Variants in MAGI1 observed in about 807,000 individuals in gnomAD.
MAGI1 encodes the protein membrane associated guanylate kinase, WW and PDZ domain containing 1.
A neutral mutation model predicts 139.9 loss-of-function variants in MAGI1; 58 were observed. That is an observed-to-expected ratio of 0.41 (90% CI 0.34 to 0.52). The LOEUF (loss-of-function observed/expected upper bound fraction) is 0.52, where lower values mean the gene tolerates loss of function less well. MAGI1 is among the 20% of genes least tolerant of loss of function. The pLI, the probability that MAGI1 is intolerant of heterozygous loss-of-function variation, is 0.12. For missense variants in MAGI1, 1,874 were observed against 1,901.6 expected (o/e 0.99, Z 0.27); for synonymous variants, 812 against 737.9 (o/e 1.10, Z -1.63).
intron 1 of MAGI1, among the ~76,000 whole-genome samples, chr3:65,878,506 A>G (rs1374654171): frequency 1.4e-5 from 2 of 140,496 alleles, no homozygotes; most frequent in African/African-American, 5.7e-5. Context: ...ACAGAGCGAG[A>G]CTCAGTCTCA....
intron 1 of MAGI1, among the ~76,000 whole-genome samples, chr3:65,840,197 A>G (rs1229360950): frequency 6.6e-6 from 1 of 151,362 alleles, no homozygotes; most frequent in African/African-American, 2.4e-5. Context: ...GTAGACAAAG[A>G]TATCACCTGC....
At chr3:65,920,524 A>G (rs1482250279) in intron 1 of MAGI1, among the ~76,000 whole-genome samples, 1 of 152,184 alleles carries the variant, frequency 6.6e-6, no homozygotes, top group Non-Finnish European at 1.5e-5. Flanking sequence ...ACCTCAAGGC[A>G]TTCCATATTT....
intron 1 of MAGI1, among the ~76,000 whole-genome samples, chr3:65,870,645 G>C (rs550196735): frequency 8.0e-5 from 12 of 149,334 alleles, no homozygotes; most frequent in Admixed American, 2.0e-4. Context: ...AGGCAGGGTG[G>C]GGGGGGTAGG....
intron 5 of MAGI1, among the ~76,000 whole-genome samples, chr3:65,459,642 G>A (rs778168247): frequency 6.6e-6 from 1 of 152,134 alleles, no homozygotes; most frequent in South Asian, 2.1e-4. Flanking sequence ...AGAAATTCCA[G>A]CATGATGTTG....
chr3:65,356,638 G>A lies in MAGI1; in HGVS notation c.4129C>T (p.Leu1377Phe), dbSNP rs753351918. 42 of 1,588,364 alleles carry A rather than the reference G, an allele frequency of 2.6e-5. No homozygotes were observed. The South Asian group carries it at 4.8e-4, about 18-fold the overall frequency. The change falls in exon 23 of 23, where the codon CTC becomes TTC. Residue 1377 changes from leucine to phenylalanine, a missense_variant. Transcript: ENST00000402939. ...PSRRRRSLERLLEQRRSPERR... is the reference protein window; with the variant it reads ...PSRRRRSLERFLEQRRSPERR... ...TCGGGGGACCTCCTCTGCTCCAGGAGTCTCTCCAGAGACCGTCTCCGCCGG... is the reference window on the plus strand; with the variant it reads ...TCGGGGGACCTCCTCTGCTCCAGGAATCTCTCCAGAGACCGTCTCCGCCGG...
chr3:65,428,835 A>C (rs1486820332), intron 12 of MAGI1, among the ~76,000 whole-genome samples: 2 of 152,176 alleles, frequency 1.3e-5, no homozygotes, highest in Non-Finnish European at 2.9e-5. Flanking sequence ...ACTTTAGATA[A>C]AGTGATGGGA....
intron 1 of MAGI1, among the ~76,000 whole-genome samples, chr3:65,746,999 C>T (rs4362751): frequency 0.12 from 18,976 of 152,154 alleles, 1,271 homozygotes; most frequent in South Asian, 0.2. Flanking sequence ...CTTGATGAGG[C>T]ACATTTAGAG....
At position 65,657,960 on chromosome 3, in the gene MAGI1, G is replaced by A. The variant is rs368868127; in HGVS notation, c.314-35872C>T. ...GAAGGTCACTGTTAATTGAAATAAT[G>A]TGTGTGAAATGGTTTGCACAATGTC... On this transcript the variant is annotated intron_variant, in intron 1 of 22. Coordinates refer to ENST00000402939, the MANE Select transcript of MAGI1 (RefSeq NM_001033057.2). Among the ~76,000 whole-genome samples the A allele has an allele frequency of 1.1e-3, 163 of 152,292 alleles. 6 individuals are homozygous for A. The South Asian group carries it at 0.033, about 30-fold the overall frequency.
chr3:65,753,649 A>G (rs1472117690), intron 1 of MAGI1, among the ~76,000 whole-genome samples: 1 of 149,640 alleles, frequency 6.7e-6, no homozygotes, highest in African/African-American at 2.5e-5. Flanking sequence ...TGAGCTCGGG[A>G]GGCAGAGGTT....
intron 4 of MAGI1, among the ~76,000 whole-genome samples, chr3:65,475,386 G>T (rs545769201): frequency 2.0e-5 from 3 of 152,086 alleles, no homozygotes; most frequent in African/African-American, 7.2e-5. Context: ...GCTAATTTTT[G>T]TATTTTTAGT....
At chr3:65,781,087 C>G (rs1228958506) in intron 1 of MAGI1, among the ~76,000 whole-genome samples, 3 of 151,966 alleles carry the variant, frequency 2.0e-5, no homozygotes, top group African/African-American at 7.3e-5. Flanking sequence ...TTCCAACTAC[C>G]CAGGAGGCTG....
chr3:65,602,851 A>T (rs756424661), intron 2 of MAGI1, among the ~76,000 whole-genome samples: 49 of 152,088 alleles, frequency 3.2e-4, no homozygotes, highest in Non-Finnish European at 4.6e-4. Flanking sequence ...GGCAAATAGG[A>T]CCATGAGTGG....
At chr3:65,826,271 T>A (rs2042224249) in intron 1 of MAGI1, among the ~76,000 whole-genome samples, 1 of 152,160 alleles carries the variant, frequency 6.6e-6, no homozygotes. Flanking sequence ...AGGTAGGAGA[T>A]CATACTAAAA....
At chr3:65,769,571 G>A (rs1203682497) in intron 1 of MAGI1, among the ~76,000 whole-genome samples, 1 of 152,080 alleles carries the variant, frequency 6.6e-6, no homozygotes, top group East Asian at 1.9e-4. Flanking sequence ...CCCCATCCAG[G>A]TACAAGCTGC....
chr3:65,901,778 C>T (rs2061243828), intron 1 of MAGI1, among the ~76,000 whole-genome samples: 1 of 152,112 alleles, frequency 6.6e-6, no homozygotes, highest in East Asian at 1.9e-4. Context: ...TCCTCAGCAC[C>T]CTCCACAATT....
At position 65,357,084 on chromosome 3, in the gene MAGI1, G is replaced by C; in HGVS notation, c.3683C>G (p.Pro1228Arg). 2 of 1,614,080 alleles carry C rather than the reference G, an allele frequency of 1.2e-6. No individual in the cohort carries two copies. Among genetic ancestry groups the C allele is most frequent in the Non-Finnish European group, 1.7e-6 (2 of 1,179,988 alleles). The change falls in exon 23 of 23, where the codon CCG (proline) becomes CGG (arginine). Residue 1228 changes from proline (P) to arginine (R), a missense_variant. Coordinates refer to ENST00000402939, the MANE Select transcript of MAGI1 (RefSeq NM_001033057.2). The part of the protein sequence containing the change: ...HGPATGPQGV[P>R]EVRAGPDRRQ... ...GCGGTCGGGCCCGGCCCTCACTTCC[G>C]GAACACCTTGTGGACCGGTGGCGGG...
chr3:65,978,621 C>CTTTTTTTTT (rs373662388), intron 1 of MAGI1, among the ~76,000 whole-genome samples: 12 of 129,170 alleles, frequency 9.3e-5, no homozygotes, highest in Non-Finnish European at 1.1e-4. Flanking sequence ...CTCAAAATTT[C>CTTTTTTTTT]TTTTTTTTTT....
chr3:65,678,311 A>G (rs1167601048), intron 1 of MAGI1, among the ~76,000 whole-genome samples: 1 of 151,450 alleles, frequency 6.6e-6, no homozygotes, highest in East Asian at 2.0e-4. Context: ...CCCATAACTT[A>G]AAGTATAATG....
At chr3:65,805,785 G>C (rs1033476620) in intron 1 of MAGI1, among the ~76,000 whole-genome samples, 5 of 152,144 alleles carry the variant, frequency 3.3e-5, no homozygotes, top group African/African-American at 9.7e-5. Context: ...ATGTCCTTTG[G>C]AGGGACATAG....
Sources: allele counts gnomAD v4.1 joint callset (sites outside exome capture counted in the v4.1 genomes callset), GRCh38; gene constraint gnomAD v4.1.1; transcripts MANE v1.5; gene names NCBI Gene and HGNC (gene_info 2026-07-23, HGNC 2026-07-21).